The following ADAMTS16 variants were observed in gnomAD, a reference collection of about 807,000 sequenced individuals.
The protein encoded by ADAMTS16 is A disintegrin and metalloproteinase with thrombospondin motifs 16.
Under a neutral mutation model 145.8 loss-of-function variants are expected in ADAMTS16, and 94 were observed. The ratio of observed to expected loss-of-function variants is 0.64; its 90% CI spans 0.55 to 0.77. ADAMTS16 has a LOEUF of 0.77. Among genes scored for constraint, ADAMTS16 ranks in the 30% least tolerant of loss-of-function variants. The pLI is 0.00. For missense variants in ADAMTS16, 1,585 were observed against 1,591.5 expected (o/e 1.00, Z 0.07); for synonymous variants, 659 against 604.3 (o/e 1.09, Z -1.33).
At chr5:5,244,021 G>A (rs777216653) in intron 17 of ADAMTS16, among the ~76,000 whole-genome samples, 1 of 152,178 alleles carries the variant, frequency 6.6e-6, no homozygotes. Flanking sequence ...AGTGGAAAAC[G>A]GGGATTCTCA....
At chr5:5,201,670 G>A (rs146369706) in intron 9 of ADAMTS16, among the ~76,000 whole-genome samples, 32 of 149,048 alleles carry the variant, frequency 2.1e-4, no homozygotes, top group African/African-American at 6.5e-4. Flanking sequence ...GATTCCAGCA[G>A]GTTTGGTGGA....
At chr5:5,252,094 C>G (rs908291748) in intron 17 of ADAMTS16, among the ~76,000 whole-genome samples, 67 of 152,168 alleles carry the variant, frequency 4.4e-4, no homozygotes, top group African/African-American at 1.5e-3. Context: ...CGTGATCCGC[C>G]CGCCTCGGCC....
chr5:5,146,692 C>T (rs144591986), intron 3 of ADAMTS16, among the ~76,000 whole-genome samples: 2 of 152,160 alleles, frequency 1.3e-5, no homozygotes, highest in East Asian at 1.9e-4. Context: ...TTATTGTGGA[C>T]GAGCACTTCA....
chr5:5,215,309 C>T (rs747076723), intron 10 of ADAMTS16, among the ~76,000 whole-genome samples: 3 of 152,088 alleles, frequency 2.0e-5, no homozygotes, highest in Non-Finnish European at 2.9e-5. Context: ...AATGACAATG[C>T]CCTGTATATC....
At chr5:5,249,339 G>A (rs1018829273) in intron 17 of ADAMTS16, among the ~76,000 whole-genome samples, 29 of 152,016 alleles carry the variant, frequency 1.9e-4, no homozygotes, top group Admixed American at 7.9e-4. Context: ...CATGTGAGGC[G>A]GACATGTAAG....
chr5:5,224,252 T>A (rs1736688791), intron 11 of ADAMTS16, among the ~76,000 whole-genome samples: 1 of 152,124 alleles, frequency 6.6e-6, no homozygotes, highest in Non-Finnish European at 1.5e-5. Context: ...TCCAGTTGAT[T>A]TAATCCATAA....
chr5:5,154,276 A>G (rs980548), intron 3 of ADAMTS16, among the ~76,000 whole-genome samples: 151,791 of 152,326 alleles, frequency 1, 75,648 homozygotes, highest in Middle Eastern at 1. Context: ...TGAGACAGCT[A>G]TTAGGTTTTT....
At chr5:5,311,137 A>T (rs866535984) in intron 21 of ADAMTS16, among the ~76,000 whole-genome samples, 82 of 151,658 alleles carry the variant, frequency 5.4e-4, no homozygotes, top group Middle Eastern at 3.4e-3. Context: ...TGGCTTGTCC[A>T]CTCTCGGCCT....
At chr5:5,183,780 CGTGT>C (rs1290302898) in intron 4 of ADAMTS16, among the ~76,000 whole-genome samples, 1 of 152,002 alleles carries the variant, frequency 6.6e-6, no homozygotes, top group Non-Finnish European at 1.5e-5. Context: ...TGGGAGTGTG[CGTGT>C]GTGTGTAGTG....
chr5:5,272,706 A>C (rs1166150005), intron 18 of ADAMTS16, among the ~76,000 whole-genome samples: 2 of 152,092 alleles, frequency 1.3e-5, no homozygotes, highest in East Asian at 1.9e-4. Context: ...TTTGTTTTGC[A>C]CTGGGGCCCA....
intron 17 of ADAMTS16, among the ~76,000 whole-genome samples, chr5:5,257,504 GACGTAATGCAAACTGCA>G (rs1205315770): frequency 6.6e-6 from 1 of 152,224 alleles, no homozygotes; most frequent in East Asian, 1.9e-4. Flanking sequence ...TGCAAATTGC[GACGTAATGCAAACTGCA>G]ACGTAATGCA....
rs1424589975 is a variant in ADAMTS16, at chr5:5,319,049, T to G, written c.3586T>G (p.Trp1196Gly). The change falls in exon 23 of 23, where the codon TGG becomes GGG. Residue 1196 changes from tryptophan (W) to glycine (G), a missense_variant. By Grantham distance (184) the Trp-to-Gly change is radical. This residue lies in a region of ADAMTS16 where 834 missense variants were observed against 811.7 expected (regional missense o/e 1.03). Coordinates refer to ENST00000274181, the MANE Select transcript of ADAMTS16 (RefSeq NM_139056.4). The stretch of plus-strand genomic sequence containing the variant: ...TGCCTTCTGCAAAGACTACTTCCAC[T>G]GGTGCTACCTGGTACCCCAGCACGG... ...KDAFCKDYFH[W>G]CYLVPQHGMC... 6.2e-7 allele frequency: 1 copy of G among 1,613,178 alleles called. No homozygotes were observed. The highest frequency in any genetic ancestry group is 1.3e-5 in the African/African-American group (1 of 74,936).
intron 3 of ADAMTS16, among the ~76,000 whole-genome samples, chr5:5,158,928 T>C (rs1385501605): frequency 1.3e-5 from 2 of 152,216 alleles, no homozygotes; most frequent in Non-Finnish European, 2.9e-5. Context: ...TTCTCATGAA[T>C]AGGCACTTTC....
intron 11 of ADAMTS16, among the ~76,000 whole-genome samples, chr5:5,230,004 A>G (rs1736877755): frequency 6.6e-6 from 1 of 152,218 alleles, no homozygotes; most frequent in Admixed American, 6.5e-5. Flanking sequence ...CTCACCAGGC[A>G]TTCTGTGTGC....
chr5:5,212,765 T>G (rs991274505), intron 10 of ADAMTS16, among the ~76,000 whole-genome samples: 3 of 152,260 alleles, frequency 2.0e-5, no homozygotes, highest in African/African-American at 7.2e-5. Flanking sequence ...CCAGCATGTT[T>G]AGTCTATTTA....
chr5:5,281,591 T>A (rs1033077334), intron 18 of ADAMTS16, among the ~76,000 whole-genome samples: 1 of 152,216 alleles, frequency 6.6e-6, no homozygotes, highest in African/African-American at 2.4e-5. Context: ...CCATGATTGC[T>A]ACACAGAGCG....
chr5:5,247,188 C>G (rs749234421), intron 17 of ADAMTS16, among the ~76,000 whole-genome samples: 59 of 152,158 alleles, frequency 3.9e-4, no homozygotes, highest in Non-Finnish European at 7.2e-4. Flanking sequence ...GGGTGTGTCT[C>G]TTTCTCTTTT....
chr5:5,222,996 A>G, intron 11 of ADAMTS16, 112 bp downstream of exon 11: 1 of 790,828 alleles, frequency 1.3e-6, no homozygotes, highest in Non-Finnish European at 2.2e-6. Context: ...TCATATACAT[A>G]TGCATACCCA....
chr5:5,178,683 A>G (rs1158840870), intron 3 of ADAMTS16, among the ~76,000 whole-genome samples: 4 of 152,204 alleles, frequency 2.6e-5, no homozygotes, highest in Non-Finnish European at 5.9e-5. Context: ...TGACTTGGTT[A>G]ATGAAAACTC....
Sources: gnomAD v4.1 joint callset for allele counts (sites outside exome capture counted in the v4.1 genomes callset) on GRCh38, gnomAD v4.1.1 for gene constraint, gnomAD v4.1.1 regional missense constraint, MANE v1.5 for transcripts, NCBI Gene and HGNC (gene_info 2026-07-23, HGNC 2026-07-21) for gene names.